The following MAGI2 variants were observed in gnomAD, a reference collection of about 807,000 sequenced individuals.
MAGI2 encodes membrane associated guanylate kinase, WW and PDZ domain containing 2.
A neutral mutation model predicts 133.3 loss-of-function variants in MAGI2; 35 were observed. That is an observed-to-expected ratio of 0.26 (90% CI 0.20 to 0.35). The LOEUF (loss-of-function observed/expected upper bound fraction) is 0.35. MAGI2 is among the 10% of genes least tolerant of loss of function. The probability of loss-of-function intolerance (pLI) is 1.00; values close to 1 mark genes in which losing one functional copy is unlikely to be tolerated. For synonymous variants in MAGI2, 729 were observed against 710.6 expected (o/e 1.03, Z -0.41); for missense variants, 1,636 against 1,863.4 (o/e 0.88, Z 2.25).
intron 6 of MAGI2, among the ~76,000 whole-genome samples, chr7:78,457,768 C>G (rs1789474188): frequency 1.3e-5 from 2 of 152,082 alleles, no homozygotes; most frequent in Admixed American, 1.3e-4. Context: ...CAGCTCATGA[C>G]AATGATGTAA....
intron 2 of MAGI2, among the ~76,000 whole-genome samples, chr7:78,922,321 T>TC (rs1799313748): frequency 1.3e-5 from 2 of 151,938 alleles, no homozygotes; most frequent in Non-Finnish European, 2.9e-5. Context: ...TAGGTATTTC[T>TC]CCTAATGCTA....
intron 2 of MAGI2, among the ~76,000 whole-genome samples, chr7:78,793,370 C>T (rs1348531318): frequency 2.6e-5 from 4 of 152,194 alleles, no homozygotes; most frequent in Admixed American, 6.6e-5. Flanking sequence ...AGGGGTTGCA[C>T]CTATGGCATC....
intron 21 of MAGI2, among the ~76,000 whole-genome samples, chr7:78,038,589 G>C (rs1419507294): frequency 2.0e-5 from 3 of 152,100 alleles, no homozygotes; most frequent in African/African-American, 7.2e-5. Context: ...TCCCCACCTA[G>C]ACCCACTGAA....
chr7:79,264,043 C>T (rs1406504423), intron 1 of MAGI2, among the ~76,000 whole-genome samples: 1 of 152,136 alleles, frequency 6.6e-6, no homozygotes, highest in African/African-American at 2.4e-5. Context: ...GAAGCCACCA[C>T]ATTTTTTTAA....
chr7:78,997,202 A>G (rs1426061033), intron 2 of MAGI2, among the ~76,000 whole-genome samples: 1 of 152,200 alleles, frequency 6.6e-6, no homozygotes, highest in Non-Finnish European at 1.5e-5. Flanking sequence ...CCGATTTTGC[A>G]TGCAGAAAAA....
intron 1 of MAGI2, among the ~76,000 whole-genome samples, chr7:79,039,480 C>T (rs1344327242): frequency 1.3e-5 from 2 of 151,802 alleles, no homozygotes; most frequent in Non-Finnish European, 2.9e-5. Context: ...GCTTTATTCA[C>T]AGGCAACAAA....
intron 9 of MAGI2, among the ~76,000 whole-genome samples, chr7:78,308,977 T>C (rs1051120202): frequency 1.3e-5 from 2 of 152,154 alleles, no homozygotes; most frequent in East Asian, 3.8e-4. Context: ...TTATTCAAAA[T>C]CACAATGAGA....
intron 1 of MAGI2, among the ~76,000 whole-genome samples, chr7:79,440,779 A>G (rs961902417): frequency 3.9e-5 from 6 of 152,200 alleles, no homozygotes; most frequent in Non-Finnish European, 5.9e-5. Flanking sequence ...TATTATCTCT[A>G]TAACAAGGAG....
chr7:78,161,538 C>A (rs531624257), intron 15 of MAGI2, among the ~76,000 whole-genome samples: 1 of 151,634 alleles, frequency 6.6e-6, no homozygotes, highest in African/African-American at 2.4e-5. Context: ...TTGCATATGG[C>A]AAATTAAAAA....
intron 3 of MAGI2, among the ~76,000 whole-genome samples, chr7:78,599,693 A>G (rs1804980382): frequency 6.6e-6 from 1 of 152,176 alleles, no homozygotes; most frequent in Non-Finnish European, 1.5e-5. Flanking sequence ...GACTATTGCA[A>G]TGTGCCATGT....
intron 9 of MAGI2, among the ~76,000 whole-genome samples, chr7:78,282,609 T>C (rs747704478): frequency 2.0e-5 from 3 of 152,126 alleles, no homozygotes; most frequent in African/African-American, 7.2e-5. Context: ...AAAAAGACTT[T>C]CTGAATATGT....
chr7:78,876,078 C>T (rs478961), intron 2 of MAGI2, among the ~76,000 whole-genome samples: 2 of 151,716 alleles, frequency 1.3e-5, no homozygotes, highest in Non-Finnish European at 2.9e-5. Flanking sequence ...ATTCCAGCAC[C>T]TTGGGAGGCC....
chr7:78,567,424 G>A lies in MAGI2; in HGVS notation c.539-45779C>T, dbSNP rs75841062. Among the ~76,000 whole-genome samples the A allele has an allele frequency of 6.1e-3, 900 of 147,824 alleles. 2 individuals carry two copies. The highest frequency in any genetic ancestry group is 0.024 in the East Asian group (122 of 5,064). ...CACACACACACACACACACACAACC[G>A]CAATGCATGACAAATGAGTGACTTT... On this transcript the variant is annotated intron_variant, in intron 3 of 21. Transcript: ENST00000354212.
intron 1 of MAGI2, among the ~76,000 whole-genome samples, chr7:79,379,937 TA>T (rs1292781609): frequency 2.6e-5 from 4 of 151,632 alleles, no homozygotes; most frequent in Non-Finnish European, 5.9e-5. Context: ...GAAAACTGGC[TA>T]GCCATATGTA....
At chr7:78,032,009 CTT>C (rs377672697) in intron 21 of MAGI2, among the ~76,000 whole-genome samples, 2,726 of 124,150 alleles carry the variant, frequency 0.022, 77 homozygotes, top group African/African-American at 0.062. Context: ...AGCCCCCCCA[CTT>C]TTTTTTTTTT....
chr7:79,152,645 A>G (rs1823366581), intron 1 of MAGI2, among the ~76,000 whole-genome samples: 1 of 152,062 alleles, frequency 6.6e-6, no homozygotes, highest in African/African-American at 2.4e-5. Flanking sequence ...AAATACATAT[A>G]TTTTCAGGTT....
At chr7:78,403,506 T>G (rs1326988610) in intron 6 of MAGI2, among the ~76,000 whole-genome samples, 1 of 149,930 alleles carries the variant, frequency 6.7e-6, no homozygotes, top group African/African-American at 2.4e-5. Flanking sequence ...ATCCTTTGGG[T>G]ATATACCCAG....
intron 2 of MAGI2, among the ~76,000 whole-genome samples, chr7:78,792,750 TA>T (rs1787281427): frequency 6.6e-6 from 1 of 152,212 alleles, no homozygotes; most frequent in Non-Finnish European, 1.5e-5. Context: ...AAGTAATTCA[TA>T]TAGTGAAAGA....
At chr7:79,178,146 T>C (rs79876421) in intron 1 of MAGI2, among the ~76,000 whole-genome samples, 7,398 of 151,880 alleles carry the variant, frequency 0.049, 333 homozygotes, top group African/African-American at 0.11. Context: ...CTACTAATTC[T>C]CTCTTTCTTG....
Sources: gnomAD v4.1 joint callset for allele counts (sites outside exome capture counted in the v4.1 genomes callset) on GRCh38, gnomAD v4.1.1 for gene constraint, MANE v1.5 for transcripts, NCBI Gene and HGNC (gene_info 2026-07-23, HGNC 2026-07-21) for gene names.